The following EPHA5 variants were observed in gnomAD, a reference collection of about 807,000 sequenced individuals.
EPHA5 encodes EPH receptor A5, also known as ephrin type-A receptor 5.
In EPHA5, 60 loss-of-function variants were observed where a neutral mutation model predicts 105.0. The ratio of observed to expected loss-of-function variants is 0.57; its 90% CI spans 0.46 to 0.71. The LOEUF is 0.71. EPHA5 is among the 30% of genes least tolerant of loss of function. The pLI is 0.00. For missense variants in EPHA5, 1,218 were observed against 1,274.7 expected (o/e 0.96, Z 0.68); for synonymous variants, 513 against 449.1 (o/e 1.14, Z -1.80).
In EPHA5 at chr4:65,468,612, T is replaced by C. The variant is rs7700130; in HGVS notation, c.1402+21765A>G. Among the ~76,000 whole-genome samples the C allele has an allele frequency of 2.7e-3, 315 of 115,356 alleles. 6 individuals are homozygous for C. The highest frequency in any genetic ancestry group is 4.8e-3 in the Non-Finnish European group (279 of 57,906). The allele number at this position is 115,356 out of a possible 152,430, so 75.7% of individuals were successfully genotyped here. On this transcript the variant is annotated intron_variant, in intron 5 of 16. Transcript: ENST00000613740. ...ATATATAATATATATATTATATATATTATATATATATGTAAAATATATATA... is the reference window on the plus strand; with the variant it reads ...ATATATAATATATATATTATATATACTATATATATATGTAAAATATATATA...
intron 8 of EPHA5, among the ~76,000 whole-genome samples, chr4:65,401,257 T>C (rs1721791835): frequency 6.6e-6 from 1 of 152,148 alleles, no homozygotes; most frequent in Admixed American, 6.6e-5. Flanking sequence ...ATTTAACAAA[T>C]CTTTACTGAG....
chr4:65,407,859 G>T (rs1198051868), intron 7 of EPHA5, among the ~76,000 whole-genome samples: 2 of 151,748 alleles, frequency 1.3e-5, no homozygotes. Context: ...GGGCTCATGT[G>T]ATCCTCCCAC....
At chr4:65,452,703 A>G (rs559159026) in intron 5 of EPHA5, among the ~76,000 whole-genome samples, 10 of 152,312 alleles carry the variant, frequency 6.6e-5, no homozygotes, top group Admixed American at 2.6e-4. Context: ...AAGCAAATAA[A>G]CTAAAATGTG....
At chr4:65,440,793 A>C (rs1427413213) in intron 5 of EPHA5, among the ~76,000 whole-genome samples, 2 of 151,866 alleles carry the variant, frequency 1.3e-5, no homozygotes, top group African/African-American at 4.8e-5. Flanking sequence ...AGAAGAGGAA[A>C]AGCCTTGTCT....
chr4:65,489,284 C>T (rs1731184201), intron 5 of EPHA5, among the ~76,000 whole-genome samples: 1 of 152,134 alleles, frequency 6.6e-6, no homozygotes, highest in East Asian at 1.9e-4. Context: ...TTTGCTGAGA[C>T]TTTGTAACCA....
chr4:65,528,514 T>G (rs2149296071), intron 3 of EPHA5, among the ~76,000 whole-genome samples: 1 of 152,236 alleles, frequency 6.6e-6, no homozygotes. Context: ...CGTAGAGAAT[T>G]CAATGTGTAC....
intron 6 of EPHA5, among the ~76,000 whole-genome samples, chr4:65,420,153 G>T (rs1183362779): frequency 6.6e-6 from 1 of 152,054 alleles, no homozygotes; most frequent in African/African-American, 2.4e-5. Context: ...TTAAGTATTT[G>T]TAACACTTTC....
chr4:65,592,521 A>AAAAAAG (rs201573853), intron 3 of EPHA5, among the ~76,000 whole-genome samples: 2,544 of 152,098 alleles, frequency 0.017, 68 homozygotes, highest in African/African-American at 0.058. Context: ...AAACAAAAAG[A>AAAAAAG]AAAAAGAAAA....
At chr4:65,661,447 T>C (rs1249835504) in intron 1 of EPHA5, among the ~76,000 whole-genome samples, 2 of 152,166 alleles carry the variant, frequency 1.3e-5, no homozygotes, top group Admixed American at 6.6e-5. Flanking sequence ...CGAAACTAGG[T>C]GTGGTTAAAA....
At chr4:65,394,275 T>C (rs1578003540) in intron 8 of EPHA5, among the ~76,000 whole-genome samples, 1 of 152,210 alleles carries the variant, frequency 6.6e-6, no homozygotes, top group Admixed American at 6.5e-5. Context: ...CCATTATTTT[T>C]AGCAGCAGAA....
chr4:65,325,293 C>A (rs1034541691), intron 16 of EPHA5, among the ~76,000 whole-genome samples: 2 of 151,130 alleles, frequency 1.3e-5, no homozygotes, highest in Non-Finnish European at 3.0e-5. Flanking sequence ...TTTAATTGTT[C>A]TTTGAATTCA....
At chr4:65,563,687 C>T (rs140940999) in intron 3 of EPHA5, among the ~76,000 whole-genome samples, 1 of 152,056 alleles carries the variant, frequency 6.6e-6, no homozygotes, top group Non-Finnish European at 1.5e-5. Context: ...AATTAAAAAA[C>T]TCGAAGCAAG....
At chr4:65,539,018 T>A (rs897769787) in intron 3 of EPHA5, among the ~76,000 whole-genome samples, 4 of 151,824 alleles carry the variant, frequency 2.6e-5, no homozygotes, top group African/African-American at 7.2e-5. Context: ...TGTTCTCTGT[T>A]TGAGCTGTTG....
chr4:65,396,241 C>T (rs1721223168), intron 8 of EPHA5, among the ~76,000 whole-genome samples: 1 of 152,196 alleles, frequency 6.6e-6, no homozygotes, highest in Non-Finnish European at 1.5e-5. Context: ...ACACACCAAC[C>T]CCCTGCTACC....
chr4:65,492,640 C>G lies in EPHA5; in HGVS notation c.1067-1928G>C, dbSNP rs13105712. On this transcript the variant is annotated intron_variant, in intron 4 of 16. Transcript: ENST00000613740. ...CACATACTTCAATATAAAACAGTCC[C>G]CTTTAAGTTGAAATAATGTCTTAAA... Among the ~76,000 whole-genome samples, 6 of 151,834 alleles carry G rather than the reference C, an allele frequency of 4.0e-5. No individual in the cohort carries two copies. The East Asian group carries it at 1.2e-3, about 30-fold the overall frequency.
chr4:65,326,941 T>C (rs1720136059), intron 16 of EPHA5, among the ~76,000 whole-genome samples: 1 of 151,286 alleles, frequency 6.6e-6, no homozygotes, highest in African/African-American at 2.4e-5. Context: ...ATCACAAAAC[T>C]TAAATTTGAA....
At chr4:65,428,866 A>C (rs1274721016) in intron 5 of EPHA5, among the ~76,000 whole-genome samples, 3 of 152,068 alleles carry the variant, frequency 2.0e-5, no homozygotes, top group Non-Finnish European at 2.9e-5. Context: ...AAATGACAAT[A>C]ATAAAAATAG....
chr4:65,348,686 ATATATATATAT>A (rs1560437789), intron 13 of EPHA5, among the ~76,000 whole-genome samples: 27 of 58,260 alleles, frequency 4.6e-4, no homozygotes, highest in Non-Finnish European at 7.4e-4. Flanking sequence ...ATATATATAT[ATATATATATAT>A]AAAATATATA....
At chr4:65,623,426 A>C (rs987773941) in intron 2 of EPHA5, among the ~76,000 whole-genome samples, 1 of 152,106 alleles carries the variant, frequency 6.6e-6, no homozygotes, top group Non-Finnish European at 1.5e-5. Context: ...GTGGAGACAC[A>C]ACATTGAAAA....
Sources: allele counts gnomAD v4.1 joint callset (sites outside exome capture counted in the v4.1 genomes callset), GRCh38; gene constraint gnomAD v4.1.1; transcripts MANE v1.5; gene names NCBI Gene and HGNC (gene_info 2026-07-23, HGNC 2026-07-21).